Variants in CCNY observed in about 807,000 individuals in gnomAD.
CCNY encodes cyclin-Y.
In CCNY, 19 loss-of-function variants were observed where a neutral mutation model predicts 42.8. The ratio of observed to expected loss-of-function variants is 0.44; its 90% CI spans 0.31 to 0.65. The LOEUF (loss-of-function observed/expected upper bound fraction) is 0.65. Ranked by LOEUF, CCNY falls within the 30% of genes least tolerant of loss-of-function variation. The pLI is 0.07. For missense variants in CCNY, 370 were observed against 437.3 expected, an observed-to-expected ratio of 0.85 and a Z score of 1.37; for synonymous variants, 165 against 162.7, an observed-to-expected ratio of 1.01 and a Z score of -0.11.
Position 35,258,832 on chromosome 10 carries a change from G to A in CCNY, c.-9+8206G>A, listed in dbSNP as rs189958551. On this transcript the variant is annotated intron_variant, in intron 3 of 11. Coordinates refer to the CCNY transcript ENST00000374706. ...GAGCCTGTAGTCCCAGCTACTTGGG[G>A]AGGCTGAGGCAGGAGAATGATTGAA... Among the ~76,000 whole-genome samples, 7 of 152,098 alleles carry A rather than the reference G, an allele frequency of 4.6e-5. No individual in the cohort carries two copies. The East Asian group carries it at 1.4e-3, about 29-fold the overall frequency.
chr10:35,389,045 C>T (rs1431553565), intron 1 of CCNY, among the ~76,000 whole-genome samples: 1 of 152,206 alleles, frequency 6.6e-6, no homozygotes, highest in Non-Finnish European at 1.5e-5. Flanking sequence ...GGATTAACAA[C>T]TTTAATTCCA....
chr10:35,409,241 C>T (rs1387021428), intron 1 of CCNY, among the ~76,000 whole-genome samples: 1 of 152,218 alleles, frequency 6.6e-6, no homozygotes, highest in Admixed American at 6.5e-5. Flanking sequence ...CTGCCATTGT[C>T]ATCCCATTGG....
intron 3 of CCNY, among the ~76,000 whole-genome samples, chr10:35,296,679 C>G (rs1255937299): frequency 6.6e-6 from 1 of 152,082 alleles, no homozygotes; most frequent in African/African-American, 2.4e-5. Context: ...TACAAAAACC[C>G]TATGCACACA....
upstream of CCNY, among the ~76,000 whole-genome samples, chr10:35,331,536 C>T (rs1176039151): frequency 6.6e-6 from 1 of 152,094 alleles, no homozygotes; most frequent in Non-Finnish European, 1.5e-5. Flanking sequence ...AAATGATTTA[C>T]TTAGGAAAAA....
At chr10:35,477,992 C>T (rs1839558294) in intron 1 of CCNY, among the ~76,000 whole-genome samples, 1 of 143,872 alleles carries the variant, frequency 7.0e-6, no homozygotes, top group Admixed American at 7.0e-5. Flanking sequence ...TATACACCAA[C>T]AACAGACAAA....
At chr10:35,545,774 G>GCTATAATA (rs1841100657) in intron 7 of CCNY, among the ~76,000 whole-genome samples, 2 of 152,024 alleles carry the variant, frequency 1.3e-5, no homozygotes, top group African/African-American at 4.8e-5. Flanking sequence ...GTAGTTTAGG[G>GCTATAATA]TAAAGATTAT....
At chr10:35,251,832 G>A (rs932590407) in intron 3 of CCNY, among the ~76,000 whole-genome samples, 10 of 152,046 alleles carry the variant, frequency 6.6e-5, no homozygotes, top group Non-Finnish European at 1.5e-4. Flanking sequence ...CAAGTGATCT[G>A]CCTGTTTCGG....
intron 2 of CCNY, among the ~76,000 whole-genome samples, chr10:35,496,341 G>A (rs1589159817): frequency 6.6e-6 from 1 of 152,354 alleles, no homozygotes; most frequent in East Asian, 1.9e-4. Flanking sequence ...TTGGAGGGCG[G>A]ATGTATAGAG....
At chr10:35,270,748 CAG>C (rs1835154740) in intron 3 of CCNY, among the ~76,000 whole-genome samples, 1 of 125,880 alleles carries the variant, frequency 7.9e-6, no homozygotes, top group African/African-American at 3.2e-5. Context: ...TTTTTTGAGA[CAG>C]AGTCTTGCTC....
intron 3 of CCNY, among the ~76,000 whole-genome samples, chr10:35,308,279 T>C (rs193059667): frequency 6.6e-6 from 1 of 151,288 alleles, no homozygotes; most frequent in African/African-American, 2.4e-5. Context: ...CTGGGCACAG[T>C]GGCTCATGCA....
chr10:35,468,597 A>C (rs1216478485), intron 1 of CCNY, among the ~76,000 whole-genome samples: 1 of 151,360 alleles, frequency 6.6e-6, no homozygotes, highest in African/African-American at 2.4e-5. Flanking sequence ...TCTGATCTTG[A>C]TATTTTTGAG....
At position 35,508,231 on chromosome 10, in the gene CCNY, C is replaced by T. The variant is rs1003407530; in HGVS notation, c.264+6696C>T. Among the ~76,000 whole-genome samples, 3 of 152,120 alleles carry T rather than the reference C, an allele frequency of 2.0e-5. No homozygotes were observed. The East Asian group carries it at 5.8e-4, about 29-fold the overall frequency. ...CTGCTTAAGAGAGAGCCTTCTCTTC[C>T]CATCTGTCCATCTGTCTGTCCATCC... is the stretch of plus-strand genomic sequence containing the variant. On this transcript the variant is annotated intron_variant, in intron 3 of 9. Coordinates refer to ENST00000374704, the MANE Select transcript of CCNY (RefSeq NM_145012.6).
At chr10:35,328,148 T>G (rs1470253949) in intron 3 of CCNY, among the ~76,000 whole-genome samples, 1 of 152,172 alleles carries the variant, frequency 6.6e-6, no homozygotes, top group Non-Finnish European at 1.5e-5. Context: ...CTGGCAATTT[T>G]GGGCCCCCTA....
chr10:35,420,250 G>T (rs1412173602), intron 1 of CCNY, among the ~76,000 whole-genome samples: 2 of 152,192 alleles, frequency 1.3e-5, no homozygotes, highest in Non-Finnish European at 2.9e-5. Flanking sequence ...AATGAATCAT[G>T]TCTTGCTCTG....
Position 35,292,781 on chromosome 10 carries a change from GTTTTTTTT to G in CCNY, c.-9+42168_-9+42175del, listed in dbSNP as rs71033391. Reference sequence around the variant, plus strand: ...TATCCTGTAAGAGTGCTTTGTTTTTGTTTTTTTTTTTTTTTTTTTTGGAGACGAAGTCT... The same window carrying G: ...TATCCTGTAAGAGTGCTTTGTTTTTGTTTTTTTTTTTTGGAGACGAAGTCT... On this transcript the variant is annotated intron_variant, in intron 3 of 11. Coordinates refer to the CCNY transcript ENST00000374706. 5.9e-3 allele frequency among the ~76,000 whole-genome samples: 642 copies of G among 108,804 alleles called. 1 individual carries two copies. Among genetic ancestry groups the G allele is most frequent in the Non-Finnish European group, 9.1e-3 (479 of 52,644 alleles). The allele number at this position is 108,804 out of a possible 152,430, so 71.4% of individuals were successfully genotyped here.
chr10:35,417,641 G>C (rs1302866108), intron 1 of CCNY, among the ~76,000 whole-genome samples: 2 of 152,128 alleles, frequency 1.3e-5, no homozygotes, highest in South Asian at 4.1e-4. Context: ...TAATTCTAGG[G>C]TGTTTGCCTT....
chr10:35,375,961 C>T (rs566226434), intron 1 of CCNY, among the ~76,000 whole-genome samples: 1 of 152,008 alleles, frequency 6.6e-6, no homozygotes, highest in Non-Finnish European at 1.5e-5. Context: ...TGGAAGACAC[C>T]GAAAGGAGGA....
At chr10:35,256,064 T>A (rs1256732301) in intron 3 of CCNY, among the ~76,000 whole-genome samples, 2 of 152,230 alleles carry the variant, frequency 1.3e-5, no homozygotes, top group East Asian at 3.9e-4. Flanking sequence ...TTCCATTTTT[T>A]CACTTCCAAC....
intron 8 of CCNY, among the ~76,000 whole-genome samples, chr10:35,558,381 T>TAGA (rs1473559779): frequency 6.6e-6 from 1 of 152,222 alleles, no homozygotes; most frequent in Non-Finnish European, 1.5e-5. Flanking sequence ...GTTACAGATC[T>TAGA]AGAAATCTCT....
Sources: gnomAD v4.1 joint callset for allele counts (sites outside exome capture counted in the v4.1 genomes callset) on GRCh38, gnomAD v4.1.1 for gene constraint, MANE v1.5 for transcripts, NCBI Gene and HGNC (gene_info 2026-07-23, HGNC 2026-07-21) for gene names.